Variants in UBE2T observed in about 807,000 individuals in gnomAD.
The protein encoded by UBE2T is ubiquitin-conjugating enzyme E2 T.
UBE2T carries 15 observed loss-of-function variants against 23.3 expected under a neutral mutation model. The ratio of observed to expected loss-of-function variants is 0.64; its 90% CI spans 0.43 to 0.99. UBE2T has a LOEUF of 0.99. Ranked by LOEUF, UBE2T falls within the 50% of genes least tolerant of loss-of-function variation. UBE2T has a pLI of 0.00. For missense variants in UBE2T, 197 were observed against 234.9 expected, an observed-to-expected ratio of 0.84 and a Z score of 1.05; for synonymous variants, 67 against 78.4, an observed-to-expected ratio of 0.85 and a Z score of 0.77.
intron 3 of UBE2T, 131 bp downstream of exon 3, chr1:202,334,858 C>T (rs570115901): frequency 1.6e-5 from 12 of 753,968 alleles, no homozygotes; most frequent in Middle Eastern, 4.8e-4. Flanking sequence ...ATAACTTGGT[C>T]GAGGTCACCT....
chr1:202,337,732 A>T (rs1190559365), intron 1 of UBE2T, among the ~76,000 whole-genome samples: 1 of 152,108 alleles, frequency 6.6e-6, no homozygotes, highest in Non-Finnish European at 1.5e-5. Flanking sequence ...TATTATTTAA[A>T]TTTTTTCCCA....
chr1:202,335,090 G>A lies in UBE2T; in HGVS notation c.110-32C>T. 3.9e-6 allele frequency: 6 copies of A among 1,557,072 alleles called. No individual in the cohort carries two copies. Among genetic ancestry groups the A allele is most frequent in the Non-Finnish European group, 5.3e-6 (6 of 1,140,510 alleles). Reference sequence around the variant, plus strand: ...AGAAAAAAGAAAGAAAAAGTTAAAAGGGAATCAGATCATTTGAATTACTAC... The same window carrying A: ...AGAAAAAAGAAAGAAAAAGTTAAAAAGGAATCAGATCATTTGAATTACTAC... On this transcript the variant is annotated intron_variant, in intron 2 of 6. Coordinates refer to ENST00000646651, the MANE Select transcript of UBE2T (RefSeq NM_014176.4). The surrounding 1 kb of genome is among the most constrained non-coding windows in gnomAD (Gnocchi z 4.0).
At chr1:202,341,648 T>G (rs1655009355) in intron 1 of UBE2T, among the ~76,000 whole-genome samples, 1 of 149,864 alleles carries the variant, frequency 6.7e-6, no homozygotes, top group Non-Finnish European at 1.5e-5. Context: ...TGGGCTGTTA[T>G]GTCCCTTCTA....
intron 1 of UBE2T, 28 bp downstream of exon 1, chr1:202,341,867 G>A (rs1272375731): frequency 6.6e-6 from 1 of 152,268 alleles, no homozygotes; most frequent in Non-Finnish European, 1.5e-5. Context: ...TCTTTCAGAT[G>A]GGGAACCGGA....
chr1:202,335,572 A>T lies in UBE2T; in HGVS notation c.109+74T>A. 7 of 1,444,762 alleles carry T rather than the reference A, an allele frequency of 4.8e-6. No individual in the cohort carries two copies. In the South Asian group the frequency reaches 7.0e-5, roughly 15 times the overall value. The allele number at this position is 1,444,762 out of a possible 1,614,324, so 89.5% of individuals were successfully genotyped here. A position where few individuals can be genotyped will look rare whatever the true frequency, so the allele number is the denominator to read the frequency against. On this transcript the variant is annotated intron_variant, in intron 2 of 6. Coordinates refer to ENST00000646651, the MANE Select transcript of UBE2T (RefSeq NM_014176.4). This position sits in a 1 kb window ranked among gnomAD's most constrained non-coding sequence, Gnocchi z 4.0. ...TAACTGCTCCTTACTTTAGAAGAAT[A>T]CACAAAATGTTTTATTTCAGCACAA...
chr1:202,332,771 A>C (rs964802300), intron 6 of UBE2T, among the ~76,000 whole-genome samples: 1 of 148,254 alleles, frequency 6.7e-6, no homozygotes. Flanking sequence ...AGCCGGGCGT[A>C]GTGGCGGGCG....
intron 3 of UBE2T, among the ~76,000 whole-genome samples, 166 bp downstream of exon 3, chr1:202,334,823 G>T (rs1654845468): frequency 6.6e-6 from 1 of 152,134 alleles, no homozygotes; most frequent in Admixed American, 6.5e-5. Context: ...TTCTGGAGAA[G>T]GAAACTGAAC....
At chr1:202,340,771 G>A (rs899024645) in intron 1 of UBE2T, among the ~76,000 whole-genome samples, 1 of 152,162 alleles carries the variant, frequency 6.6e-6, no homozygotes, top group Non-Finnish European at 1.5e-5. Context: ...ACAGTGGAAA[G>A]CCATGGTAAA....
rs1336753182 is a variant in UBE2T, at chr1:202,333,076, A to G, written c.402T>C (p.Tyr134=). The change falls in exon 6 of 7, where the codon TAT becomes TAC. Residue 134 remains tyrosine, a synonymous_variant. Transcript: ENST00000646651. The stretch of plus-strand genomic sequence containing the variant: ...CATTCTTGAGGAAGGCTGGCTTATT[A>G]TATTTAAATTCTGAGGACTGAGATG... ...LMADISSEFK[Y]NKPAFLKNAR... 1 of 1,613,842 alleles carries G rather than the reference A, an allele frequency of 6.2e-7. No homozygotes were observed. Among genetic ancestry groups the G allele is most frequent in the Non-Finnish European group, 8.5e-7 (1 of 1,179,870 alleles).
rs1654867859 is a variant in UBE2T, at chr1:202,335,757, T to A, written c.-3A>T. ...TTCAGACGTGAAGCTCTCTGCATGA[T>A]CCCCAAGTAGAAGGAACCACACACA... On this transcript the variant is annotated 5_prime_UTR_variant, in exon 2 of 7. Transcript: ENST00000646651. This position sits in a 1 kb window ranked among gnomAD's most constrained non-coding sequence, Gnocchi z 4.0. The A allele has an allele frequency of 5.0e-6, 8 of 1,613,508 alleles. No homozygotes were observed. The highest frequency in any genetic ancestry group is 6.8e-6 in the Non-Finnish European group (8 of 1,179,738).
chr1:202,334,398 C>T (rs1466378700), intron 3 of UBE2T, among the ~76,000 whole-genome samples: 1 of 152,108 alleles, frequency 6.6e-6, no homozygotes, highest in African/African-American at 2.4e-5. Context: ...GGTGGGAGGA[C>T]AGAGAAGGGC....
chr1:202,334,136 T>C (rs1051505273), intron 3 of UBE2T, among the ~76,000 whole-genome samples: 2 of 152,180 alleles, frequency 1.3e-5, no homozygotes, highest in African/African-American at 2.4e-5. Flanking sequence ...ATGTCTATGT[T>C]TCAACTGTCA....
At chr1:202,340,521 A>G (rs1195057067) in intron 1 of UBE2T, among the ~76,000 whole-genome samples, 24 of 152,012 alleles carry the variant, frequency 1.6e-4, no homozygotes, top group East Asian at 1.9e-4. Context: ...CTTAAAAAAA[A>G]AAAAAAGAAA....
At position 202,333,240 on chromosome 1, in the gene UBE2T, G is replaced by T. The variant is rs766013559; in HGVS notation, c.381C>A (p.Asp127Glu). 1 of 1,614,150 alleles carries T rather than the reference G, an allele frequency of 6.2e-7. No homozygotes were observed. The highest frequency in any genetic ancestry group is 1.1e-5 in the South Asian group (1 of 91,086). The part of the protein sequence containing the change: ...EPNPDDPLMA[D>E]ISSEFKYNKP... ...AGAGGAAAATGGGGATATTTACTAT[G>T]TCAGCCATGAGCGGGTCATCAGGGT... The change falls in exon 5 of 7, where the codon GAC (aspartate) becomes GAA (glutamate). Residue 127 changes from aspartate (D) to glutamate (E), a missense_variant. Transcript: ENST00000646651.
At chr1:202,340,945 C>T (rs566114752) in intron 1 of UBE2T, among the ~76,000 whole-genome samples, 31 of 152,330 alleles carry the variant, frequency 2.0e-4, no homozygotes, top group African/African-American at 7.2e-4. Context: ...TTATATCCCG[C>T]CTTATATCCA....
rs1413466047 is a variant in UBE2T, at chr1:202,335,891, T to C, written c.-64-73A>G. The stretch of plus-strand genomic sequence containing the variant: ...TGAAGTTTTCAGCAAACAGCTTCAA[T>C]GTAGTGAGGGTGGGGGACAGAGTCC... On this transcript the variant is annotated intron_variant, in intron 1 of 6. Transcript: ENST00000646651. This position sits in a 1 kb window ranked among gnomAD's most constrained non-coding sequence, Gnocchi z 4.0. 2.8e-6 allele frequency: 2 copies of C among 706,616 alleles called. No homozygotes were observed. The highest frequency in any genetic ancestry group is 3.5e-5 in the African/African-American group (2 of 56,508). The allele number at this position is 706,616 out of a possible 1,614,324, so 43.8% of individuals were successfully genotyped here. A position where few individuals can be genotyped will look rare whatever the true frequency, so the allele number is the denominator to read the frequency against.
At position 202,335,540 on chromosome 1, in the gene UBE2T, G is replaced by A; in HGVS notation, c.109+106C>T. 1 of 1,106,250 alleles carries A rather than the reference G, an allele frequency of 9.0e-7. No homozygotes were observed. The highest frequency in any genetic ancestry group is 1.3e-6 in the Non-Finnish European group (1 of 758,010). 68.5% of individuals were successfully genotyped at this position (1,106,250 alleles called of 1,614,324 possible). ...GGGTAGAAAGATGGTAGGGCACTCT[G>A]ACCTTATAACTGCTCCTTACTTTAG... On this transcript the variant is annotated intron_variant, in intron 2 of 6. Transcript: ENST00000646651. This position sits in a 1 kb window ranked among gnomAD's most constrained non-coding sequence, Gnocchi z 4.0.
chr1:202,339,884 A>G (rs1571474830), intron 1 of UBE2T, among the ~76,000 whole-genome samples: 1 of 152,022 alleles, frequency 6.6e-6, no homozygotes, highest in Non-Finnish European at 1.5e-5. Flanking sequence ...TAAAATAAAT[A>G]AAGTATATGG....
intron 1 of UBE2T, among the ~76,000 whole-genome samples, chr1:202,339,599 C>CAAAAAAAA (rs56088102): frequency 2.5e-5 from 2 of 79,052 alleles, no homozygotes; most frequent in Non-Finnish European, 5.3e-5. Context: ...GACTCTGTCT[C>CAAAAAAAA]AAAAAAAAAA....
Sources: allele counts gnomAD v4.1 joint callset (sites outside exome capture counted in the v4.1 genomes callset), GRCh38; gene constraint gnomAD v4.1.1; non-coding constraint Gnocchi (gnomAD v3.1); transcripts MANE v1.5; gene names NCBI Gene and HGNC (gene_info 2026-07-23, HGNC 2026-07-21).